SYT1: variants seen among roughly 807,000 people sequenced by gnomAD.
SYT1 encodes synaptotagmin-1.
In SYT1, 8 loss-of-function variants were observed where a neutral mutation model predicts 44.8. That is an observed-to-expected ratio of 0.18 (90% CI 0.10 to 0.32). The LOEUF (loss-of-function observed/expected upper bound fraction) is 0.32, where lower values mean the gene tolerates loss of function less well. Among genes scored for constraint, SYT1 ranks in the 10% least tolerant of loss-of-function variants. SYT1 has a pLI of 1.00. For missense variants in SYT1, 286 were observed against 509.3 expected, an observed-to-expected ratio of 0.56 and a Z score of 4.22; for synonymous variants, 154 against 188.8, an observed-to-expected ratio of 0.82 and a Z score of 1.51.
At position 79,179,463 on chromosome 12, in the gene SYT1, A is replaced by T. The variant is rs984430395; in HGVS notation, c.-17-38040A>T. Among the ~76,000 whole-genome samples the T allele has an allele frequency of 7.4e-4, 81 of 109,818 alleles. 2 individuals are homozygous for T. Among genetic ancestry groups the T allele is most frequent in the African/African-American group, 3.0e-3 (78 of 26,128 alleles). The allele number at this position is 109,818 out of a possible 152,430, so 72.0% of individuals were successfully genotyped here. On this transcript the variant is annotated intron_variant, in intron 3 of 10. Transcript: ENST00000261205. ...CCATATAGATATAGATATAATCTAT[A>T]TAGATATAGATATAGAGATATAGAT...
intron 3 of SYT1, among the ~76,000 whole-genome samples, chr12:79,092,548 G>A (rs1157766963): frequency 6.7e-6 from 1 of 149,562 alleles, no homozygotes; most frequent in Non-Finnish European, 1.5e-5. Flanking sequence ...GAAAGAATAA[G>A]CCATGTGCCA....
At chr12:79,300,789 T>TTTTATTTATATATATA (rs1490670835) in intron 8 of SYT1, among the ~76,000 whole-genome samples, 1 of 89,624 alleles carries the variant, frequency 1.1e-5, no homozygotes, top group Non-Finnish European at 2.2e-5. Context: ...TGTATACTTA[T>TTTTATTTATATATATA]TATATATATA....
At chr12:78,982,287 A>G (rs1869321327) in intron 2 of SYT1, among the ~76,000 whole-genome samples, 1 of 152,136 alleles carries the variant, frequency 6.6e-6, no homozygotes, top group Admixed American at 6.6e-5. Context: ...ATTCTTCATC[A>G]ACTGTAATTT....
intron 9 of SYT1, among the ~76,000 whole-genome samples, chr12:79,359,803 A>T (rs185869562): frequency 4.0e-4 from 61 of 152,284 alleles, no homozygotes; most frequent in African/African-American, 1.2e-3. Context: ...TGGGAAATGC[A>T]GCCAGATTTA....
chr12:79,265,661 A>G (rs1422597612), intron 4 of SYT1, among the ~76,000 whole-genome samples: 1 of 152,148 alleles, frequency 6.6e-6, no homozygotes, highest in Non-Finnish European at 1.5e-5. Flanking sequence ...GCTACATTTT[A>G]GATCCCCAAT....
At chr12:79,256,202 G>A (rs1240353777) in intron 4 of SYT1, among the ~76,000 whole-genome samples, 1 of 152,194 alleles carries the variant, frequency 6.6e-6, no homozygotes, top group East Asian at 1.9e-4. Flanking sequence ...GACAATGAGA[G>A]AAACGGCAAA....
intron 1 of SYT1, among the ~76,000 whole-genome samples, chr12:78,916,451 T>C (rs550146956): frequency 2.0e-5 from 3 of 152,136 alleles, no homozygotes; most frequent in African/African-American, 7.2e-5. Context: ...TGATAACTTA[T>C]TTCTCTTTTT....
intron 3 of SYT1, among the ~76,000 whole-genome samples, chr12:79,146,615 A>G (rs1869930416): frequency 6.6e-6 from 1 of 152,200 alleles, no homozygotes. Context: ...CTCAGAAGCC[A>G]GGAGACATTA....
At chr12:79,057,924 A>G (rs1875088130) in intron 3 of SYT1, among the ~76,000 whole-genome samples, 1 of 152,086 alleles carries the variant, frequency 6.6e-6, no homozygotes, top group African/African-American at 2.4e-5. Context: ...TACATATGTC[A>G]CAACCTTTAT....
chr12:79,082,431 G>T (rs1877097247), intron 3 of SYT1, among the ~76,000 whole-genome samples: 1 of 152,024 alleles, frequency 6.6e-6, no homozygotes, highest in Non-Finnish European at 1.5e-5. Flanking sequence ...TATATCCCAG[G>T]AAGTACCCTA....
intron 9 of SYT1, among the ~76,000 whole-genome samples, chr12:79,438,303 T>C (rs1238201858): frequency 1.3e-5 from 2 of 152,136 alleles, no homozygotes; most frequent in Non-Finnish European, 2.9e-5. Context: ...ATCCAGGATA[T>C]ACTGATGGAG....
chr12:79,420,111 C>T (rs1565950225), intron 9 of SYT1, among the ~76,000 whole-genome samples: 1 of 152,100 alleles, frequency 6.6e-6, no homozygotes, highest in Non-Finnish European at 1.5e-5. Flanking sequence ...CTTGCTGTCA[C>T]AGACAATACA....
intron 9 of SYT1, among the ~76,000 whole-genome samples, chr12:79,426,996 G>T (rs1419872547): frequency 1.3e-5 from 2 of 152,146 alleles, no homozygotes; most frequent in African/African-American, 2.4e-5. Context: ...GAAGAAGGAC[G>T]TATTTGCTTC....
chr12:79,176,813 C>T (rs893946028), intron 3 of SYT1, among the ~76,000 whole-genome samples: 5 of 151,874 alleles, frequency 3.3e-5, no homozygotes, highest in African/African-American at 1.2e-4. Flanking sequence ...AACCTATAAC[C>T]CTGTAAACCT....
At position 79,122,051 on chromosome 12, in the gene SYT1, G is replaced by T. The variant is rs1008741455; in HGVS notation, c.-18+74689G>T. 2.2e-4 allele frequency among the ~76,000 whole-genome samples: 34 copies of T among 152,266 alleles called. No individual in the cohort carries two copies. The East Asian group carries it at 6.4e-3, about 28-fold the overall frequency. ...GCTTTCAGCACTTTTTGAAGTAGAT[G>T]TCTTCTGTTTATCATATTTCCTGGC... On this transcript the variant is annotated intron_variant, in intron 3 of 10. Coordinates refer to ENST00000261205, the MANE Select transcript of SYT1 (RefSeq NM_005639.3).
chr12:78,948,947 C>T (rs1878813514), intron 1 of SYT1, among the ~76,000 whole-genome samples: 1 of 137,096 alleles, frequency 7.3e-6, no homozygotes, highest in Non-Finnish European at 1.6e-5. Context: ...TAGCAAAAAT[C>T]AAGGCCTATT....
intron 1 of SYT1, among the ~76,000 whole-genome samples, chr12:78,947,968 G>A (rs4488265): frequency 0.15 from 23,084 of 151,728 alleles, 2,054 homozygotes; most frequent in East Asian, 0.3. Flanking sequence ...ACCAGCTATA[G>A]ATTTCAAGTT....
chr12:78,908,726 T>C (rs940970812), intron 1 of SYT1, among the ~76,000 whole-genome samples: 17 of 151,948 alleles, frequency 1.1e-4, no homozygotes, highest in Non-Finnish European at 1.9e-4. Context: ...AATATTGCAG[T>C]GGAAATGAAT....
intron 9 of SYT1, among the ~76,000 whole-genome samples, chr12:79,370,083 G>A (rs1883717885): frequency 6.6e-6 from 1 of 152,074 alleles, no homozygotes; most frequent in African/African-American, 2.4e-5. Context: ...TTATTACCGA[G>A]ATTATTTATT....
Sources: allele counts gnomAD v4.1 joint callset (sites outside exome capture counted in the v4.1 genomes callset), GRCh38; gene constraint gnomAD v4.1.1; transcripts MANE v1.5; gene names NCBI Gene and HGNC (gene_info 2026-07-23, HGNC 2026-07-21).